The following MSI1 variants were observed in gnomAD, a reference collection of about 807,000 sequenced individuals.
The protein encoded by MSI1 is musashi RNA binding protein 1, also known as RNA-binding protein Musashi homolog 1.
MSI1 carries 15 observed loss-of-function variants against 54.4 expected under a neutral mutation model. The observed-to-expected ratio is 0.28, with a 90% confidence interval of 0.18 to 0.42. The LOEUF (loss-of-function observed/expected upper bound fraction) is 0.42, where lower values mean the gene tolerates loss of function less well. Ranked by LOEUF, MSI1 falls within the 20% of genes least tolerant of loss-of-function variation. The pLI is 1.00. For missense variants in MSI1, 304 were observed against 506.0 expected (o/e 0.60, Z 3.83); for synonymous variants, 200 against 196.5 (o/e 1.02, Z -0.15).
At chr12:120,346,061 C>A in intron 13 of MSI1, 74 bp downstream of exon 13, 1 of 1,319,450 alleles carries the variant, frequency 7.6e-7, no homozygotes, top group South Asian at 1.6e-5. Flanking sequence ...CAAAGAAGTT[C>A]TCTCCCTTCC....
intron 9 of MSI1, among the ~76,000 whole-genome samples, chr12:120,355,016 G>C (rs1475249875): frequency 9.6e-6 from 1 of 103,654 alleles, no homozygotes; most frequent in Non-Finnish European, 1.7e-5. Context: ...AACATAGTGA[G>C]ACCCCGTCTC....
chr12:120,345,527 T>C (rs1392806505), intron 14 of MSI1, 43 bp downstream of exon 14: 1 of 1,584,414 alleles, frequency 6.3e-7, no homozygotes, highest in African/African-American at 1.3e-5. Context: ...AGGACAGGCT[T>C]CCCCAGTGCC....
At chr12:120,366,232 C>T (rs1325337373) in intron 4 of MSI1, among the ~76,000 whole-genome samples, 2 of 152,188 alleles carry the variant, frequency 1.3e-5, no homozygotes, top group Admixed American at 6.5e-5. Flanking sequence ...AAAACTCAGC[C>T]TCGTTCTAGG....
intron 4 of MSI1, among the ~76,000 whole-genome samples, chr12:120,365,426 C>T (rs999737766): frequency 6.6e-6 from 1 of 152,124 alleles, no homozygotes; most frequent in Non-Finnish European, 1.5e-5. Context: ...GTCTAGCTCA[C>T]AGCAAAAACA....
At chr12:120,365,313 G>A (rs575099949) in intron 4 of MSI1, among the ~76,000 whole-genome samples, 21 of 152,108 alleles carry the variant, frequency 1.4e-4, no homozygotes, top group African/African-American at 3.9e-4. Context: ...CTCTTTGAAC[G>A]TCAGGGTCAA....
chr12:120,367,877 G>A (rs1187528955), intron 4 of MSI1, 131 bp downstream of exon 4: 4 of 851,782 alleles, frequency 4.7e-6, no homozygotes, highest in East Asian at 5.4e-5. Flanking sequence ...GAGCATGGCA[G>A]CCCTCTTACT....
At position 120,356,973 on chromosome 12, in the gene MSI1, C is replaced by G. The variant is rs1402302144; in HGVS notation, c.581G>C (p.Gly194Ala). 2.5e-6 allele frequency: 4 copies of G among 1,614,250 alleles called. No homozygotes were observed. Among genetic ancestry groups the G allele is most frequent in the Non-Finnish European group, 2.5e-6 (3 of 1,180,052 alleles). ...AQPKEVMSPT[G>A]SARGRSRVMP... is the part of the protein sequence containing the mutation. ...GACTCGAGACCTCCCCCGGGCTGAG[C>G]CCGTTGGCGACATCACCTCCTTTGG... is the stretch of plus-strand genomic sequence containing the variant. The change falls in exon 9 of 15, where the codon GGC becomes GCC. Residue 194 changes from glycine to alanine, a missense_variant. By Grantham distance (60) the Gly-to-Ala change is moderately conservative. This residue lies in a region of MSI1 where 22 missense variants were observed against 19.6 expected (regional missense o/e 1.12). Coordinates refer to ENST00000257552, the MANE Select transcript of MSI1 (RefSeq NM_002442.4).
chr12:120,351,523 A>G, intron 10 of MSI1, 123 bp from the exon 11 acceptor site: 1 of 800,774 alleles, frequency 1.2e-6, no homozygotes, highest in Non-Finnish European at 2.0e-6. Context: ...AGGACCCAAG[A>G]GCTGGGGAGG....
intron 6 of MSI1, among the ~76,000 whole-genome samples, 153 bp downstream of exon 6, chr12:120,362,890 A>G (rs1177004795): frequency 3.9e-5 from 6 of 152,194 alleles, no homozygotes; most frequent in Non-Finnish European, 8.8e-5. Flanking sequence ...GGAGGCTGCA[A>G]GGTGGATTGG....
chr12:120,364,854 C>A, intron 4 of MSI1, 99 bp from the exon 5 acceptor site: 2 of 1,020,118 alleles, frequency 2.0e-6, no homozygotes, highest in Non-Finnish European at 1.4e-6. Context: ...CCTCCCAGGA[C>A]ACAAAGGTGA....
Position 120,345,557 on chromosome 12 carries a change from C to A in MSI1, c.*21+13G>T. The stretch of plus-strand genomic sequence containing the variant: ...AGTGCCACCCCACCACCTGCCCACC[C>A]CCACATCCTCACCTCCTGCCACCGT... On this transcript the variant is annotated intron_variant, in intron 14 of 14. Transcript: ENST00000257552. 2 of 1,613,064 alleles carry A rather than the reference C, an allele frequency of 1.2e-6. No individual in the cohort carries two copies. Among genetic ancestry groups the A allele is most frequent in the Non-Finnish European group, 1.7e-6 (2 of 1,179,526 alleles).
intron 11 of MSI1, among the ~76,000 whole-genome samples, chr12:120,348,347 C>T (rs1874313366): frequency 1.3e-5 from 2 of 152,186 alleles, no homozygotes; most frequent in South Asian, 2.1e-4. Flanking sequence ...GAGCCTGGGG[C>T]TCCCTGGGGC....
Position 120,368,495 on chromosome 12 carries a change from G to A in MSI1, c.101-222C>T, listed in dbSNP as rs1305723116. Among the ~76,000 whole-genome samples, 1 of 152,094 alleles carries A rather than the reference G, an allele frequency of 6.6e-6. No homozygotes were observed. Among genetic ancestry groups the A allele is most frequent in the South Asian group, 2.1e-4 (1 of 4,836 alleles). On this transcript the variant is annotated intron_variant, in intron 2 of 14. Coordinates refer to ENST00000257552, the MANE Select transcript of MSI1 (RefSeq NM_002442.4). This position sits in a 1 kb window ranked among gnomAD's most constrained non-coding sequence, Gnocchi z 6.6. ...GCCGAGGGCCGAGCTGGGCTGGAAG[G>A]GGGACGGCTCCGGCCGGGTTCCCGC...
intron 4 of MSI1, among the ~76,000 whole-genome samples, chr12:120,364,957 C>T (rs1264348898): frequency 1.3e-5 from 2 of 152,182 alleles, no homozygotes; most frequent in Non-Finnish European, 2.9e-5. Flanking sequence ...ATCACCCAGG[C>T]TGGAGTGCAG....
intron 11 of MSI1, 128 bp from the exon 12 acceptor site, chr12:120,347,642 G>T: frequency 8.8e-7 from 1 of 1,141,854 alleles, no homozygotes; most frequent in Non-Finnish European, 1.3e-6. Flanking sequence ...TAGCCCCAGG[G>T]TCAAGGCAGA....
chr12:120,349,479 C>T (rs1180684116), intron 11 of MSI1, among the ~76,000 whole-genome samples: 1 of 152,180 alleles, frequency 6.6e-6, no homozygotes, highest in African/African-American at 2.4e-5. Flanking sequence ...AGTAATCCAC[C>T]TGCTGCAGCC....
intron 6 of MSI1, among the ~76,000 whole-genome samples, chr12:120,360,730 G>A (rs1368847994): frequency 6.6e-6 from 1 of 152,196 alleles, no homozygotes; most frequent in African/African-American, 2.4e-5. Flanking sequence ...GTAACCTTGG[G>A]CAGGTGACTT....
rs1876178988 is a variant in MSI1, at chr12:120,368,586, C to T, written c.100+247G>A. On this transcript the variant is annotated intron_variant, in intron 2 of 14. Transcript: ENST00000257552. This position sits in a 1 kb window ranked among gnomAD's most constrained non-coding sequence, Gnocchi z 6.6. The stretch of plus-strand genomic sequence containing the variant: ...CGAGCGGAGTTGGCGCTGCCGCCGG[C>T]GGGTCCCGGGGGCCCAGCCCACCCC... 6.6e-6 allele frequency among the ~76,000 whole-genome samples: 1 copy of T among 151,950 alleles called. No individual in the cohort carries two copies. Among genetic ancestry groups the T allele is most frequent in the African/African-American group, 2.4e-5 (1 of 41,408 alleles).
intron 11 of MSI1, 38 bp downstream of exon 11, chr12:120,351,306 A>G: frequency 1.3e-6 from 2 of 1,588,606 alleles, no homozygotes; most frequent in Non-Finnish European, 1.7e-6. Context: ...GTTTCTCCCC[A>G]TGTGGCCTGA....
Sources: allele counts gnomAD v4.1 joint callset (sites outside exome capture counted in the v4.1 genomes callset), GRCh38; gene constraint gnomAD v4.1.1; regional missense constraint gnomAD v4.1.1; non-coding constraint Gnocchi (gnomAD v3.1); transcripts MANE v1.5; gene names NCBI Gene and HGNC (gene_info 2026-07-23, HGNC 2026-07-21).